Variants in OVCH1 observed in about 807,000 individuals in gnomAD.
OVCH1 encodes the protein ovochymase 1.
In OVCH1, 139 loss-of-function variants were observed where a neutral mutation model predicts 138.4. That is an observed-to-expected ratio of 1.00 (90% CI 0.87 to 1.16). OVCH1 has a LOEUF of 1.16. OVCH1 is among the 50% of genes most tolerant of loss of function. OVCH1 has a pLI of 0.00. For missense variants in OVCH1, 1,367 were observed against 1,357.9 expected (o/e 1.01, Z -0.11); for synonymous variants, 453 against 467.8 (o/e 0.97, Z 0.41).
At chr12:29,403,008 C>T in the OVCH1 span, among the ~76,000 whole-genome samples, 2 of 152,160 alleles carry the variant, frequency 1.3e-5, no homozygotes, top group African/African-American at 4.8e-5. Context: ...CCTCAGTTAC[C>T]TCCAGCCTTA....
chr12:29,418,076 C>A (rs545300370), intron 3 of OVCH1, among the ~76,000 whole-genome samples: 3 of 152,092 alleles, frequency 2.0e-5, no homozygotes, highest in African/African-American at 7.2e-5. Context: ...TTACAGTTCC[C>A]GCAGTATGTT....
rs768220826 is a variant in OVCH1, at chr12:29,464,636, CA to C, written c.1995del (p.Ile665MetfsTer3). On this transcript the variant is annotated frameshift_variant, in exon 18 of 28. Coordinates refer to ENST00000318184, the Ensembl canonical transcript of OVCH1. LOFTEE classifies it high-confidence loss of function. ...AGAGGAGAGCTTAGTTGTATTAGGG[CA>C]ATGTCAGAGTCATAACTTAGTGTGT... 8.5e-4 allele frequency: 1,373 copies of C among 1,613,544 alleles called. 1 individual carries two copies. The highest frequency in any genetic ancestry group is 1.0e-3 in the Non-Finnish European group (1,226 of 1,179,668).
At chr12:29,434,511 A>G (rs1392269410) in intron 26 of OVCH1, among the ~76,000 whole-genome samples, 4 of 152,154 alleles carry the variant, frequency 2.6e-5, no homozygotes, top group Non-Finnish European at 5.9e-5. Context: ...AGCACAATAA[A>G]TTGAACAAAA....
Position 29,487,675 on chromosome 12 carries a change from A to C in OVCH1, c.892+18T>G, listed in dbSNP as rs1212710353. The stretch of plus-strand genomic sequence containing the variant: ...ACCCTTGAGTTAGGATGAGATGAGG[A>C]AGAAAGAATTCACCTACCTGTGAAC... On this transcript the variant is annotated intron_variant, in intron 7 of 27. Transcript: ENST00000318184. 21 of 1,570,090 alleles carry C rather than the reference A, an allele frequency of 1.3e-5. No homozygotes were observed. Among genetic ancestry groups the C allele is most frequent in the Non-Finnish European group, 1.7e-5 (20 of 1,154,060 alleles).
At chr12:29,404,243 G>A in the OVCH1 span, among the ~76,000 whole-genome samples, 1 of 152,232 alleles carries the variant, frequency 6.6e-6, no homozygotes, top group Non-Finnish European at 1.5e-5. Context: ...AGGTGGTGCA[G>A]TGGGATGGCA....
chr12:29,473,575 AT>A (rs1366291779), intron 14 of OVCH1, among the ~76,000 whole-genome samples: 1 of 152,114 alleles, frequency 6.6e-6, no homozygotes, highest in East Asian at 1.9e-4. Flanking sequence ...CATGTCTTAA[AT>A]TGAACCAAAT....
downstream of OVCH1, chr12:29,425,951 C>T (rs1032733961): frequency 1.3e-5 from 2 of 152,162 alleles, no homozygotes; most frequent in Non-Finnish European, 2.9e-5. Context: ...GGATGCACTC[C>T]AGTTTGCCAA....
At chr12:29,405,901 G>GT in the OVCH1 span, among the ~76,000 whole-genome samples, 1 of 152,196 alleles carries the variant, frequency 6.6e-6, no homozygotes, top group African/African-American at 2.4e-5. Context: ...ATTTACTCTA[G>GT]TCTATTGGAT....
chr12:29,455,302 C>T (rs1444044611), exon 20 of OVCH1: 1 of 1,613,878 alleles, frequency 6.2e-7, no homozygotes. Flanking sequence ...GGCAAATACA[C>T]CCGGCTTCCA....
intron 19 of OVCH1, among the ~76,000 whole-genome samples, chr12:29,461,344 TTCTG>T (rs1942124673): frequency 1.3e-5 from 2 of 152,238 alleles, no homozygotes; most frequent in African/African-American, 2.4e-5. Flanking sequence ...TTTATTCATA[TTCTG>T]TCTTTTTCTT....
At chr12:29,405,835 T>C in the OVCH1 span, among the ~76,000 whole-genome samples, 1 of 152,244 alleles carries the variant, frequency 6.6e-6, no homozygotes, top group Non-Finnish European at 1.5e-5. Flanking sequence ...TTCTTTTGAC[T>C]TGACTTTGCC....
chr12:29,405,052 A>AAAAAC, the OVCH1 span, among the ~76,000 whole-genome samples: 2 of 129,780 alleles, frequency 1.5e-5, no homozygotes, highest in Non-Finnish European at 3.4e-5. Context: ...AAAAAAAAAA[A>AAAAAC]AAAACAAAAG....
intron 8 of OVCH1, among the ~76,000 whole-genome samples, 21 bp downstream of exon 9, chr12:29,484,692 A>G (rs1943038578): frequency 6.6e-6 from 1 of 152,168 alleles, no homozygotes. Context: ...CCCAGAAATC[A>G]TTCCTATGTA....
chr12:29,411,632 G>A (rs376420005), downstream of OVCH1, among the ~76,000 whole-genome samples: 2 of 152,232 alleles, frequency 1.3e-5, no homozygotes, highest in Non-Finnish European at 1.5e-5. Flanking sequence ...TTCGTGAACC[G>A]TAAATTCTGC....
At chr12:29,448,571 C>T (rs1941683120) in intron 22 of OVCH1, among the ~76,000 whole-genome samples, 1 of 152,002 alleles carries the variant, frequency 6.6e-6, no homozygotes, top group Admixed American at 6.6e-5. Context: ...GATGGAGAGG[C>T]AGTCTTCCAG....
rs565956304 is a variant in OVCH1 at position 29,444,138 on chromosome 12, T to C, written c.3017+7A>G. ...TTCTTCCATTATAATAATCATGACT[T>C]CCTTACCCCATAGTAGTTCTGTGAG... On this transcript the variant is annotated splice_region_variant and intron_variant, in intron 24 of 27. Transcript: ENST00000318184. 3.1e-6 allele frequency: 5 copies of C among 1,594,124 alleles called. No homozygotes were observed. The East Asian group carries it at 1.1e-4, about 36-fold the overall frequency.
intron 4 of OVCH1, among the ~76,000 whole-genome samples, chr12:29,494,190 C>T (rs533706933): frequency 3.0e-4 from 46 of 152,284 alleles, no homozygotes; most frequent in African/African-American, 1.0e-3. Flanking sequence ...CAAAGCATCA[C>T]CTTTCAGAAA....
At chr12:29,419,448 C>T (rs953606513) in intron 3 of OVCH1, among the ~76,000 whole-genome samples, 3 of 63,098 alleles carry the variant, frequency 4.8e-5, no homozygotes, top group Admixed American at 2.2e-4. Flanking sequence ...CCACCATGCC[C>T]GGCTAATTTT....
intron 12 of OVCH1, 149 bp from the exon 13 acceptor site, chr12:29,476,448 C>A: frequency 3.0e-6 from 2 of 677,578 alleles, no homozygotes; most frequent in Middle Eastern, 4.1e-4. Flanking sequence ...CTTTGAAGGG[C>A]AATTTGGCAA....
Sources: gnomAD v4.1 joint callset for allele counts (sites outside exome capture counted in the v4.1 genomes callset) on GRCh38, gnomAD v4.1.1 for gene constraint, MANE v1.5 for transcripts, NCBI Gene and HGNC (gene_info 2026-07-23, HGNC 2026-07-21) for gene names.